The following SNX25 variants were observed in gnomAD, a reference collection of about 807,000 sequenced individuals.
The protein encoded by SNX25 is sorting nexin-25.
SNX25 carries 62 observed loss-of-function variants against 113.7 expected under a neutral mutation model. That is an observed-to-expected ratio of 0.55 (90% CI 0.44 to 0.67). SNX25 has a LOEUF of 0.67. SNX25 is among the 30% of genes least tolerant of loss of function. SNX25 has a pLI of 0.00. For synonymous variants in SNX25, 421 were observed against 436.2 expected, an observed-to-expected ratio of 0.97 and a Z score of 0.43; for missense variants, 1,014 against 1,161.0, an observed-to-expected ratio of 0.87 and a Z score of 1.84.
At chr4:185,336,470 T>G (rs571328991) in intron 10 of SNX25, among the ~76,000 whole-genome samples, 1 of 152,322 alleles carries the variant, frequency 6.6e-6, no homozygotes, top group South Asian at 2.1e-4. Context: ...AGTCTCAAAT[T>G]CCATCCAGGT....
chr4:185,259,060 G>A lies in SNX25; in HGVS notation c.727G>A (p.Ala243Thr), dbSNP rs919524839. Residue 243 changes from alanine (A) to threonine (T), a missense_variant, in exon 3 of 19, where the codon GCC (alanine) becomes ACC (threonine). Physicochemically the swap from Ala to Thr is moderately conservative, Grantham distance 58. Coordinates refer to ENST00000652585, the MANE Select transcript of SNX25 (RefSeq NM_001378034.2). ...TTTCTGTGACCTGAAAGCTGCCAAT[G>A]CCAGGTAACTGTTCTAAGCAACTTA... ...THFCDLKAAN[A>T]RHEEQPRPFV... is the part of the protein sequence containing the mutation. 6.2e-7 allele frequency: 1 copy of A among 1,613,814 alleles called. No individual in the cohort carries two copies. Among genetic ancestry groups the A allele is most frequent in the African/African-American group, 1.3e-5 (1 of 74,910 alleles).
rs867908074 is a variant in SNX25 at position 185,241,323 on chromosome 4, T to C, written c.430-5971T>C. Among the ~76,000 whole-genome samples, 17 of 151,916 alleles carry C rather than the reference T, an allele frequency of 1.1e-4. No individual in the cohort carries two copies. The South Asian group carries it at 2.9e-3, about 26-fold the overall frequency. Reference sequence around the variant, plus strand: ...AAACCCCGTCTCCACCAAAAAAATATGAAAACCAGTCAGGCGTGGCGGCGC... The same window carrying C: ...AAACCCCGTCTCCACCAAAAAAATACGAAAACCAGTCAGGCGTGGCGGCGC... On this transcript the variant is annotated intron_variant, in intron 1 of 18. Transcript: ENST00000652585.
At chr4:185,373,183 A>T (rs2095421811), downstream of SNX25, 2 of 1,049,046 alleles carry the variant, frequency 1.9e-6, no homozygotes, top group Non-Finnish European at 2.8e-6. Context: ...TAGCACTATT[A>T]ATCATCTCTA....
intron 1 of SNX25, among the ~76,000 whole-genome samples, chr4:185,216,958 G>A (rs1157502242): frequency 6.6e-6 from 1 of 152,154 alleles, no homozygotes. Context: ...TATATGAGAT[G>A]ACTCATAGGA....
At chr4:185,366,559 A>AG, downstream of SNX25, 1 of 152,342 alleles carries the variant, frequency 6.6e-6, no homozygotes, top group East Asian at 1.9e-4. Flanking sequence ...TTAAGAATAA[A>AG]GGATGTCTCA....
intron 7 of SNX25, among the ~76,000 whole-genome samples, chr4:185,314,507 G>A (rs187040282): frequency 3.3e-4 from 50 of 152,192 alleles, no homozygotes; most frequent in Non-Finnish European, 6.9e-4. Context: ...CAATAAATTT[G>A]ACAATTTAAA....
At chr4:185,285,775 TTGTTTTTG>T (rs975597002) in intron 5 of SNX25, among the ~76,000 whole-genome samples, 4 of 152,270 alleles carry the variant, frequency 2.6e-5, no homozygotes, top group African/African-American at 7.2e-5. Context: ...GCTTGTAGTT[TTGTTTTTG>T]TGTTTTTGAG....
upstream of SNX25, among the ~76,000 whole-genome samples, chr4:185,205,239 CT>C (rs1444396918): frequency 1.3e-5 from 2 of 152,142 alleles, no homozygotes; most frequent in African/African-American, 4.8e-5. Flanking sequence ...GTGGGGCCCC[CT>C]GAGAGGAGTT....
rs150137118 is a variant in SNX25 at position 185,362,508 on chromosome 4, T to A, written c.2834-103T>A. 207 of 1,222,200 alleles carry A rather than the reference T, an allele frequency of 1.7e-4. No homozygotes were observed. In the African/African-American group the frequency reaches 2.8e-3, roughly 17 times the overall value. The allele number at this position is 1,222,200 out of a possible 1,614,324, so 75.7% of individuals were successfully genotyped here. ...CATTCATGTTTCTCATGCCTCCATG[T>A]GTTTATTGACTGAAGGTGTATAATG... On this transcript the variant is annotated intron_variant, in intron 17 of 18. Transcript: ENST00000652585.
Position 185,351,474 on chromosome 4 carries a change from G to A in SNX25, c.2331G>A (p.Gln777=). ...TGCTTTCAGATGAAAGACTGTGTCAGAGTGAAGCACTTTATGCCTTCTTGA... is the reference window on the plus strand; with the variant it reads ...TGCTTTCAGATGAAAGACTGTGTCAAAGTGAAGCACTTTATGCCTTCTTGA... ...QNLLSDERLC[Q]SEALYAFLSP... is the part of the protein sequence containing the mutation. The change falls in exon 14 of 19, where the codon CAG becomes CAA. Residue 777 remains glutamine (Q), a synonymous_variant. Coordinates refer to ENST00000652585, the MANE Select transcript of SNX25 (RefSeq NM_001378034.2). The A allele has an allele frequency of 6.2e-7, 1 of 1,614,156 alleles. No individual in the cohort carries two copies. The highest frequency in any genetic ancestry group is 8.5e-7 in the Non-Finnish European group (1 of 1,180,030).
chr4:185,357,644 A>G (rs1178338764), intron 15 of SNX25, 27 bp from the exon 16 acceptor site: 4 of 1,600,346 alleles, frequency 2.5e-6, no homozygotes, highest in Non-Finnish European at 2.6e-6. Flanking sequence ...CCTGTGATAA[A>G]AAGTTTTCCT....
At chr4:185,348,018 T>G (rs1315976135) in intron 13 of SNX25, among the ~76,000 whole-genome samples, 4 of 152,264 alleles carry the variant, frequency 2.6e-5, no homozygotes, top group Non-Finnish European at 5.9e-5. Flanking sequence ...TAAGAAATCT[T>G]GGCCTACTCC....
chr4:185,296,997 GTCT>G (rs1752925742), intron 6 of SNX25, among the ~76,000 whole-genome samples: 1 of 152,108 alleles, frequency 6.6e-6, no homozygotes, highest in African/African-American at 2.4e-5. Flanking sequence ...TGACTGCTCA[GTCT>G]TCTTGAAATT....
At chr4:185,364,755 A>G (rs1247615053), downstream of SNX25, 3 of 152,198 alleles carry the variant, frequency 2.0e-5, no homozygotes, top group Admixed American at 1.3e-4. Flanking sequence ...AAAAGACTAT[A>G]TAGAAAAGAC....
At chr4:185,205,311 G>A (rs1737140631), upstream of SNX25, among the ~76,000 whole-genome samples, 1 of 152,100 alleles carries the variant, frequency 6.6e-6, no homozygotes, top group South Asian at 2.1e-4. Context: ...AAAATTAGCT[G>A]GGCGTGGTGA....
chr4:185,332,820 C>A, intron 10 of SNX25, 61 bp downstream of exon 10: 1 of 1,533,168 alleles, frequency 6.5e-7, no homozygotes, highest in South Asian at 1.2e-5. Context: ...TGGTAGTTTT[C>A]AGTTGAGGTT....
At chr4:185,299,448 A>G (rs1302657093) in intron 6 of SNX25, among the ~76,000 whole-genome samples, 1 of 152,042 alleles carries the variant, frequency 6.6e-6, no homozygotes, top group African/African-American at 2.4e-5. Flanking sequence ...CAGATTGCTC[A>G]CCCCCAACCC....
At chr4:185,294,518 G>A (rs1015288773) in intron 6 of SNX25, among the ~76,000 whole-genome samples, 1 of 152,164 alleles carries the variant, frequency 6.6e-6, no homozygotes, top group East Asian at 1.9e-4. Context: ...GGCAAGAGGG[G>A]CATAGGAAAC....
intron 3 of SNX25, among the ~76,000 whole-genome samples, 173 bp downstream of exon 3, chr4:185,259,237 A>C (rs1280792110): frequency 6.7e-6 from 1 of 149,804 alleles, no homozygotes; most frequent in African/African-American, 2.5e-5. Flanking sequence ...TTTTTTTTTT[A>C]CTTTATGCTG....
Sources: allele counts gnomAD v4.1 joint callset (sites outside exome capture counted in the v4.1 genomes callset), GRCh38; gene constraint gnomAD v4.1.1; transcripts MANE v1.5; gene names NCBI Gene and HGNC (gene_info 2026-07-23, HGNC 2026-07-21).